The following TXNDC5 variants were observed in gnomAD, a reference collection of about 807,000 sequenced individuals.
TXNDC5 encodes the protein thioredoxin domain-containing protein 5.
TXNDC5 carries 44 observed loss-of-function variants against 52.6 expected under a neutral mutation model. The ratio of observed to expected loss-of-function variants is 0.84; its 90% confidence interval spans 0.66 to 1.08. TXNDC5 has a LOEUF of 1.08. TXNDC5 is among the 50% of genes least tolerant of loss of function. TXNDC5 has a pLI of 0.00. For missense variants in TXNDC5, 600 were observed against 565.5 expected (o/e 1.06, Z -0.62); for synonymous variants, 241 against 234.4 (o/e 1.03, Z -0.26).
At position 7,904,723 on chromosome 6, in the gene TXNDC5, C is replaced by G; in HGVS notation, c.264G>C (p.Trp88Cys). ...GCTGCAGCCGCTGGCAGTGTCCACA[C>G]CTGGAACAAGGCAAGAGTACAAGCA... The part of the protein sequence containing the change: ...AAHFVMFFAP[W>C]CGHCQRLQPT... The change falls in exon 2 of 10, where the codon TGG (tryptophan) becomes TGC (cysteine). Residue 88 changes from tryptophan to cysteine, a missense_variant and splice_region_variant. Transcript: ENST00000379757. 1 of 1,614,200 alleles carries G rather than the reference C, an allele frequency of 6.2e-7. No individual in the cohort carries two copies.
chr6:7,896,615 C>G (rs961854592), intron 3 of TXNDC5, among the ~76,000 whole-genome samples: 2 of 152,190 alleles, frequency 1.3e-5, no homozygotes, highest in African/African-American at 4.8e-5. Flanking sequence ...CGCGTCAAGA[C>G]TTTCAAAGTG....
intron 9 of TXNDC5, among the ~76,000 whole-genome samples, chr6:7,883,541 G>C (rs1437577791): frequency 6.6e-6 from 1 of 152,186 alleles, no homozygotes; most frequent in Non-Finnish European, 1.5e-5. Context: ...AGTCTTTACT[G>C]TGCACACGAT....
At chr6:7,909,766 C>T (rs1317256787) in intron 1 of TXNDC5, 1 of 985,894 alleles carries the variant, frequency 1.0e-6, no homozygotes, top group African/African-American at 1.7e-5. Flanking sequence ...TCTGCCCGGA[C>T]CACTCCTTCC....
In TXNDC5 at chr6:7,910,508, C is replaced by T; in HGVS notation, c.263+6G>A. The T allele has an allele frequency of 7.0e-7, 1 of 1,432,152 alleles. No individual in the cohort carries two copies. Among genetic ancestry groups the T allele is most frequent in the Non-Finnish European group, 9.3e-7 (1 of 1,080,572 alleles). The allele number at this position is 1,432,152 out of a possible 1,614,324, so 88.7% of individuals were successfully genotyped here. A position where few individuals can be genotyped will look rare whatever the true frequency, so the allele number is the denominator to read the frequency against. ...CGGGGCAGGGCGCCGGCCTGCGCGGCGTTACCAGGGCGCGAAGAACATGAC... is the reference window on the plus strand; with the variant it reads ...CGGGGCAGGGCGCCGGCCTGCGCGGTGTTACCAGGGCGCGAAGAACATGAC... On this transcript the variant is annotated splice_donor_region_variant and intron_variant, in intron 1 of 9. Coordinates refer to ENST00000379757, the MANE Select transcript of TXNDC5 (RefSeq NM_030810.5).
rs1401486033 is a variant in TXNDC5 at position 7,895,267 on chromosome 6, G to A, written c.520-65C>T. ...GAGACACAGGGAAACCATCCAGGAG[G>A]TGACTGTGTCTGTGGGGAACCGCCT... On this transcript the variant is annotated intron_variant, in intron 3 of 9. Transcript: ENST00000379757. 8 of 1,480,238 alleles carry A rather than the reference G, an allele frequency of 5.4e-6. No individual in the cohort carries two copies. The East Asian group carries it at 1.5e-4, about 27-fold the overall frequency. 91.7% of individuals were successfully genotyped at this position (1,480,238 alleles called of 1,614,324 possible).
At chr6:7,893,708 TG>T (rs1760275841) in intron 4 of TXNDC5, among the ~76,000 whole-genome samples, 1 of 152,152 alleles carries the variant, frequency 6.6e-6, no homozygotes, top group African/African-American at 2.4e-5. Context: ...TTAGCAAAAG[TG>T]GGAAAAGGCT....
At chr6:7,902,781 T>C (rs1305011876) in intron 2 of TXNDC5, among the ~76,000 whole-genome samples, 6 of 152,140 alleles carry the variant, frequency 3.9e-5, no homozygotes, top group Admixed American at 3.9e-4. Context: ...CCAGCCATGG[T>C]TTACTTGGGG....
intron 1 of TXNDC5, among the ~76,000 whole-genome samples, chr6:7,907,294 C>T (rs1172347963): frequency 1.3e-5 from 2 of 152,094 alleles, no homozygotes; most frequent in South Asian, 2.1e-4. Flanking sequence ...TTGCTCCTGG[C>T]TGTGATGGGG....
chr6:7,906,515 G>A (rs137933010), intron 1 of TXNDC5, among the ~76,000 whole-genome samples: 11,174 of 116,776 alleles, frequency 0.096, 521 homozygotes, highest in East Asian at 0.15. Context: ...CAGCCTGGGC[G>A]ATAGAGCAAG....
chr6:7,893,724 G>T (rs964711761), intron 4 of TXNDC5, among the ~76,000 whole-genome samples: 1 of 152,230 alleles, frequency 6.6e-6, no homozygotes, highest in African/African-American at 2.4e-5. Flanking sequence ...AAGGCTGAAG[G>T]CCTCACGATA....
chr6:7,892,405 A>G (rs925210864), intron 4 of TXNDC5, among the ~76,000 whole-genome samples: 1 of 152,266 alleles, frequency 6.6e-6, no homozygotes, highest in Admixed American at 6.5e-5. Flanking sequence ...AAGAAAGATA[A>G]AGAGATGTCT....
intron 5 of TXNDC5, among the ~76,000 whole-genome samples, chr6:7,891,290 A>G (rs986838718): frequency 3.9e-5 from 6 of 152,122 alleles, no homozygotes; most frequent in African/African-American, 7.2e-5. Flanking sequence ...TCGAACGTGG[A>G]CGGTCTCCAA....
At position 7,904,609 on chromosome 6, in the gene TXNDC5, G is replaced by T. The variant is rs138364696; in HGVS notation, c.378C>A (p.Asp126Glu). 1 of 1,614,090 alleles carries T rather than the reference G, an allele frequency of 6.2e-7. No individual in the cohort carries two copies. The highest frequency in any genetic ancestry group is 8.5e-7 in the Non-Finnish European group (1 of 1,180,050). Residue 126 changes from aspartate (D) to glutamate (E), a missense_variant, in exon 2 of 10, where the codon GAC becomes GAA. Transcript: ENST00000379757. Reference sequence around the variant, plus strand: ...CTCGCACCCCCTGGGCGGAGCACACGTCGGAGTGGGCCGTGCAGTCCACTT... The same window carrying T: ...CTCGCACCCCCTGGGCGGAGCACACTTCGGAGTGGGCCGTGCAGTCCACTT... ...VAKVDCTAHS[D>E]VCSAQGVRGY...
rs140540398 is a variant in TXNDC5 at position 7,890,574 on chromosome 6, G to C, written c.733-993C>G. The stretch of plus-strand genomic sequence containing the variant: ...TACAATAATTAAGTAAGGATACAAG[G>C]AATGGGGTAAGACAGTAGACAAGAT... On this transcript the variant is annotated intron_variant, in intron 5 of 9. Transcript: ENST00000379757. 4.2e-3 allele frequency among the ~76,000 whole-genome samples: 644 copies of C among 152,248 alleles called. 4 individuals are homozygous for C. Among genetic ancestry groups the C allele is most frequent in the African/African-American group, 0.015 (608 of 41,548 alleles).
intron 3 of TXNDC5, among the ~76,000 whole-genome samples, chr6:7,898,362 A>C (rs1001919393): frequency 6.6e-5 from 10 of 152,192 alleles, no homozygotes; most frequent in Non-Finnish European, 1.0e-4. Flanking sequence ...AGCCGAGTTG[A>C]GAGAGTCTTT....
chr6:7,899,742 C>T, intron 2 of TXNDC5, 61 bp from the exon 3 acceptor site: 2 of 1,370,890 alleles, frequency 1.5e-6, no homozygotes, highest in Non-Finnish European at 2.0e-6. Context: ...AGAGAGCAAA[C>T]TCATTTAGTG....
intron 1 of TXNDC5, chr6:7,910,174 C>T (rs373023363): frequency 1.6e-5 from 16 of 985,742 alleles, no homozygotes; most frequent in Non-Finnish European, 1.8e-5. Flanking sequence ...ACGTCAGCCG[C>T]CAGTGCCCGG....
chr6:7,885,877 C>G (rs1397905114), intron 8 of TXNDC5, 84 bp downstream of exon 8: 6 of 1,261,482 alleles, frequency 4.8e-6, no homozygotes, highest in East Asian at 2.4e-5. Flanking sequence ...AACATTGAGT[C>G]TGGAGGGGTG....
In TXNDC5 at chr6:7,910,680, G is replaced by C; in HGVS notation, c.97C>G (p.Arg33Gly). 2 of 1,077,462 alleles carry C rather than the reference G, an allele frequency of 1.9e-6. No homozygotes were observed. The highest frequency in any genetic ancestry group is 2.2e-6 in the Non-Finnish European group (2 of 890,976). 66.7% of individuals were successfully genotyped at this position (1,077,462 alleles called of 1,614,324 possible). ...LLLLGHGGGG[R>G]WGARAQEAAA... Reference sequence around the variant, plus strand: ...GCCTCCTGGGCCCGGGCGCCCCAGCGCCCGCCGCCGCCATGGCCCAGCAGC... The same window carrying C: ...GCCTCCTGGGCCCGGGCGCCCCAGCCCCCGCCGCCGCCATGGCCCAGCAGC... The change falls in exon 1 of 10, where the codon CGC becomes GGC. Residue 33 changes from arginine (R) to glycine (G), a missense_variant. Coordinates refer to ENST00000379757, the MANE Select transcript of TXNDC5 (RefSeq NM_030810.5).
Sources: gnomAD v4.1 joint callset for allele counts (sites outside exome capture counted in the v4.1 genomes callset) on GRCh38, gnomAD v4.1.1 for gene constraint, MANE v1.5 for transcripts, NCBI Gene and HGNC (gene_info 2026-07-23, HGNC 2026-07-21) for gene names.